The following PHKB variants were observed in gnomAD, a reference collection of about 807,000 sequenced individuals.
PHKB encodes the protein phosphorylase kinase regulatory subunit beta.
PHKB carries 122 observed loss-of-function variants against 152.1 expected under a neutral mutation model. That is an observed-to-expected ratio of 0.80 (90% CI 0.69 to 0.93). The LOEUF (loss-of-function observed/expected upper bound fraction) is 0.93. Among genes scored for constraint, PHKB ranks in the 40% least tolerant of loss-of-function variants. The pLI is 0.00. For synonymous variants in PHKB, 436 were observed against 464.9 expected (o/e 0.94, Z 0.80); for missense variants, 1,304 against 1,328.4 (o/e 0.98, Z 0.29).
At chr16:47,601,049 C>G (rs922732525) in intron 13 of PHKB, among the ~76,000 whole-genome samples, 2 of 152,120 alleles carry the variant, frequency 1.3e-5, no homozygotes, top group Non-Finnish European at 2.9e-5. Flanking sequence ...CCAGGCTAGT[C>G]TCGAACTCCT....
At chr16:47,641,773 A>G in intron 16 of PHKB, 81 bp downstream of exon 16, 1 of 801,536 alleles carries the variant, frequency 1.2e-6, no homozygotes. Flanking sequence ...CAGACAAGTC[A>G]CACAGTTAAA....
At chr16:47,513,849 G>C (rs1970550350) in intron 5 of PHKB, among the ~76,000 whole-genome samples, 1 of 152,108 alleles carries the variant, frequency 6.6e-6, no homozygotes, top group Non-Finnish European at 1.5e-5. Flanking sequence ...GTTTTATTGA[G>C]ATACAATTCA....
chr16:47,580,682 A>C (rs1216944203), intron 8 of PHKB, among the ~76,000 whole-genome samples: 1 of 151,444 alleles, frequency 6.6e-6, no homozygotes, highest in African/African-American at 2.4e-5. Flanking sequence ...TGTATTTGGC[A>C]TTGTATATAT....
At chr16:47,690,895 A>C (rs1254059424) in intron 27 of PHKB, among the ~76,000 whole-genome samples, 3 of 152,096 alleles carry the variant, frequency 2.0e-5, no homozygotes, top group Non-Finnish European at 4.4e-5. Context: ...GACACATCAA[A>C]ATCATATATC....
chr16:47,593,526 T>C lies in PHKB; in HGVS notation c.1095T>C (p.Phe365=), dbSNP rs1387187605. The change falls in exon 11 of 31, where the codon TTT becomes TTC. Residue 365 remains phenylalanine, a synonymous_variant. Transcript: ENST00000323584. ...IKLFDGIECE[F]PIFFLYMMID... is the part of the protein sequence containing the mutation. ...TATTTGATGGCATTGAATGTGAATTTCCCATATTTTTCCTTTATATGATGA... is the reference window on the plus strand; with the variant it reads ...TATTTGATGGCATTGAATGTGAATTCCCCATATTTTTCCTTTATATGATGA... 1 of 1,493,220 alleles carries C rather than the reference T, an allele frequency of 6.7e-7. No individual in the cohort carries two copies. Among genetic ancestry groups the C allele is most frequent in the South Asian group, 1.1e-5 (1 of 88,440 alleles). The allele number at this position is 1,493,220 out of a possible 1,614,324, so 92.5% of individuals were successfully genotyped here.
chr16:47,561,557 G>A (rs1971476399), intron 7 of PHKB: 1 of 152,268 alleles, frequency 6.6e-6, no homozygotes, highest in South Asian at 2.1e-4. Context: ...GCTGCAGGAA[G>A]TGGACAGCTG....
At chr16:47,545,100 G>T (rs1971135747) in intron 6 of PHKB, among the ~76,000 whole-genome samples, 1 of 152,160 alleles carries the variant, frequency 6.6e-6, no homozygotes, top group South Asian at 2.1e-4. Context: ...TACATTTAAG[G>T]TTAATATTGT....
intron 13 of PHKB, among the ~76,000 whole-genome samples, chr16:47,606,162 A>C (rs1472067580): frequency 6.6e-6 from 1 of 152,224 alleles, no homozygotes; most frequent in African/African-American, 2.4e-5. Context: ...TGTTAATACT[A>C]CTTTAATTAT....
intron 14 of PHKB, among the ~76,000 whole-genome samples, chr16:47,623,018 G>A (rs1972644375): frequency 6.6e-6 from 1 of 152,102 alleles, no homozygotes; most frequent in Admixed American, 6.6e-5. Flanking sequence ...TAGTGGCTTT[G>A]CATCTCATAC....
At chr16:47,676,932 C>G (rs1973742601) in intron 26 of PHKB, among the ~76,000 whole-genome samples, 1 of 152,188 alleles carries the variant, frequency 6.6e-6, no homozygotes. Context: ...TATTTTTCAT[C>G]TCTGCTTTTC....
chr16:47,649,008 A>C lies in PHKB; in HGVS notation c.1693-92A>C, dbSNP rs1012081429. The C allele has an allele frequency of 3.9e-6, 3 of 772,754 alleles. No homozygotes were observed. The Admixed American group carries it at 5.4e-5, about 14-fold the overall frequency. 47.9% of individuals were successfully genotyped at this position (772,754 alleles called of 1,614,324 possible). On this transcript the variant is annotated intron_variant, in intron 17 of 30. Transcript: ENST00000323584. The stretch of plus-strand genomic sequence containing the variant: ...TTTATGTGCTTATTCAGAATTAGAC[A>C]TCAGTTTTTATTTTTATTGAGACTT...
intron 1 of PHKB, among the ~76,000 whole-genome samples, chr16:47,472,644 G>A (rs1364155538): frequency 2.0e-5 from 3 of 152,244 alleles, no homozygotes; most frequent in Non-Finnish European, 2.9e-5. Flanking sequence ...TTAGCGAGGC[G>A]TGGTGGTGGG....
intron 1 of PHKB, among the ~76,000 whole-genome samples, chr16:47,492,092 T>C (rs542142529): frequency 1.8e-4 from 27 of 152,222 alleles, no homozygotes; most frequent in African/African-American, 7.2e-5. Context: ...CCTGCAGATA[T>C]CAAACTAGAA....
intron 27 of PHKB, among the ~76,000 whole-genome samples, chr16:47,693,149 AT>A (rs1251507304): frequency 6.6e-6 from 1 of 152,114 alleles, no homozygotes; most frequent in African/African-American, 2.4e-5. Flanking sequence ...ACAGGATAAC[AT>A]TTTGTCTGTT....
chr16:47,643,609 A>G (rs558170762), intron 16 of PHKB, among the ~76,000 whole-genome samples: 2 of 152,338 alleles, frequency 1.3e-5, no homozygotes, highest in Non-Finnish European at 2.9e-5. Flanking sequence ...TGTGTTCCTA[A>G]GTAGCTGCTC....
intron 10 of PHKB, among the ~76,000 whole-genome samples, chr16:47,592,462 T>A (rs1972044732): frequency 6.6e-6 from 1 of 152,256 alleles, no homozygotes; most frequent in Non-Finnish European, 1.5e-5. Context: ...TACTTTGTGA[T>A]TCTGTGCATC....
At chr16:47,684,078 A>C (rs1055857712) in intron 26 of PHKB, among the ~76,000 whole-genome samples, 1 of 151,088 alleles carries the variant, frequency 6.6e-6, no homozygotes, top group African/African-American at 2.4e-5. Context: ...TTATACTTGT[A>C]ATCCCAGCAC....
At chr16:47,611,669 AACACAC>A (rs764761481) in intron 14 of PHKB, among the ~76,000 whole-genome samples, 2 of 150,386 alleles carry the variant, frequency 1.3e-5, no homozygotes, top group African/African-American at 4.9e-5. Flanking sequence ...TATACACACA[AACACAC>A]ACACACACAC....
chr16:47,692,532 C>T (rs529934371), intron 27 of PHKB, among the ~76,000 whole-genome samples: 2 of 152,028 alleles, frequency 1.3e-5, no homozygotes, highest in Admixed American at 6.6e-5. Flanking sequence ...GGGAGGATCG[C>T]TTGAGCCCAG....
Sources: gnomAD v4.1 joint callset for allele counts (sites outside exome capture counted in the v4.1 genomes callset) on GRCh38, gnomAD v4.1.1 for gene constraint, MANE v1.5 for transcripts, NCBI Gene and HGNC (gene_info 2026-07-23, HGNC 2026-07-21) for gene names.